SLC66A2: variants seen among roughly 807,000 people sequenced by gnomAD.
The protein encoded by SLC66A2 is solute carrier family 66 member 2, also known as PQ loop repeat containing 1.
Under a neutral mutation model 25.5 loss-of-function variants are expected in SLC66A2, and 23 were observed. The observed-to-expected ratio is 0.90, with a 90% CI of 0.65 to 1.28. The LOEUF is 1.28. Among genes scored for constraint, SLC66A2 ranks in the 50% most tolerant of loss-of-function variants. The pLI is 0.00. For missense variants in SLC66A2, 396 were observed against 373.1 expected (o/e 1.06, Z -0.51); for synonymous variants, 193 against 166.5 (o/e 1.16, Z -1.23).
chr18:79,933,862 G>T, intron 4 of SLC66A2, 107 bp downstream of exon 4: 1 of 961,836 alleles, frequency 1.0e-6, no homozygotes, highest in Non-Finnish European at 1.6e-6. Flanking sequence ...GCTTGGTAAA[G>T]ATGACGCACG....
intron 4 of SLC66A2, among the ~76,000 whole-genome samples, chr18:79,926,568 C>T (rs1985978610): frequency 6.6e-6 from 1 of 152,126 alleles, no homozygotes; most frequent in Non-Finnish European, 1.5e-5. Context: ...TAACGCCAAG[C>T]TCCACCCCAG....
Position 79,937,688 on chromosome 18 carries a change from A to C in SLC66A2, c.338-3666T>G, listed in dbSNP as rs914538730. 1.3e-5 allele frequency among the ~76,000 whole-genome samples: 2 copies of C among 152,214 alleles called. No individual in the cohort carries two copies. Among genetic ancestry groups the C allele is most frequent in the African/African-American group, 2.4e-5 (1 of 41,446 alleles). On this transcript the variant is annotated intron_variant, in intron 3 of 5. Transcript: ENST00000397778. This position sits in a 1 kb window ranked among gnomAD's most constrained non-coding sequence, Gnocchi z 5.4. ...GACGGAACGACGCAACCATCCTGCG[A>C]AACACAAGAACCAAACCTGGATCCG...
rs1390722222 is a variant in SLC66A2, at chr18:79,941,253, G to A, written c.337+2076C>T. ...AAAGCGACGGCCGACCCATGGCAGA[G>A]AGCCAGGCCCTCAGCTCCAGCACCT... On this transcript the variant is annotated intron_variant, in intron 3 of 5. Coordinates refer to ENST00000397778, the MANE Select transcript of SLC66A2 (RefSeq NM_025078.5). This position sits in a 1 kb window ranked among gnomAD's most constrained non-coding sequence, Gnocchi z 4.1. Among the ~76,000 whole-genome samples the A allele has an allele frequency of 1.3e-5, 2 of 152,200 alleles. No homozygotes were observed. Among genetic ancestry groups the A allele is most frequent in the African/African-American group, 2.4e-5 (1 of 41,454 alleles).
Position 79,937,070 on chromosome 18 carries a change from T to C in SLC66A2, c.338-3048A>G, listed in dbSNP as rs1987162998. 6.6e-6 allele frequency among the ~76,000 whole-genome samples: 1 copy of C among 152,036 alleles called. No individual in the cohort carries two copies. Among genetic ancestry groups the C allele is most frequent in the Non-Finnish European group, 1.5e-5 (1 of 67,996 alleles). ...TGAAGTCAAATGGAAAGAATTGGTG[T>C]CCACTCATGAAGTATTTCACCTCAC... On this transcript the variant is annotated intron_variant, in intron 3 of 5. Transcript: ENST00000397778. This position sits in a 1 kb window ranked among gnomAD's most constrained non-coding sequence, Gnocchi z 5.4.
At chr18:79,925,351 C>T (rs1599582782) in intron 4 of SLC66A2, among the ~76,000 whole-genome samples, 1 of 152,216 alleles carries the variant, frequency 6.6e-6, no homozygotes, top group Admixed American at 6.5e-5. Context: ...CCCGTGGTCA[C>T]GCAAGGTGCC....
intron 5 of SLC66A2, among the ~76,000 whole-genome samples, chr18:79,908,779 C>A (rs554607189): frequency 3.3e-4 from 51 of 152,310 alleles, no homozygotes; most frequent in Middle Eastern, 3.4e-3. Context: ...CTCCATTCTA[C>A]AGTTGTGTCG....
At chr18:79,934,552 C>A (rs1275978583) in intron 3 of SLC66A2, among the ~76,000 whole-genome samples, 2 of 152,210 alleles carry the variant, frequency 1.3e-5, no homozygotes, top group East Asian at 3.8e-4. Context: ...TCTGCACAGA[C>A]ACAGACACAG....
At chr18:79,934,546 CACAG>C (rs1197045477) in intron 3 of SLC66A2, among the ~76,000 whole-genome samples, 10 of 152,230 alleles carry the variant, frequency 6.6e-5, no homozygotes, top group Non-Finnish European at 1.3e-4. Context: ...AGCACCTCTG[CACAG>C]ACACAGACAC....
intron 2 of SLC66A2, among the ~76,000 whole-genome samples, chr18:79,949,157 C>T (rs1017817254): frequency 6.6e-6 from 1 of 152,294 alleles, no homozygotes; most frequent in East Asian, 1.9e-4. Flanking sequence ...AGCCAACCCA[C>T]TCGCTCACCT....
At chr18:79,926,682 T>G (rs1480149420) in intron 4 of SLC66A2, among the ~76,000 whole-genome samples, 1 of 151,944 alleles carries the variant, frequency 6.6e-6, no homozygotes. Context: ...TCATGATTCT[T>G]GTATGAATTC....
chr18:79,914,683 AGG>A (rs1417879615), intron 5 of SLC66A2, among the ~76,000 whole-genome samples: 1 of 152,242 alleles, frequency 6.6e-6, no homozygotes, highest in Non-Finnish European at 1.5e-5. Context: ...CCACACAGCA[AGG>A]GGGGCAGAGG....
Position 79,912,685 on chromosome 18 carries a change from ATG to A in SLC66A2, c.608+6497_608+6498del, listed in dbSNP as rs551237666. ...GGGGTTGCTTCCTGGGGTGCGGAAA[ATG>A]TTCTGGAATTAGACCGTGGTGCTGG... On this transcript the variant is annotated intron_variant, in intron 5 of 5. Coordinates refer to ENST00000397778, the MANE Select transcript of SLC66A2 (RefSeq NM_025078.5). 2.7e-3 allele frequency among the ~76,000 whole-genome samples: 417 copies of A among 152,218 alleles called. 4 individuals are homozygous for A. Among genetic ancestry groups the A allele is most frequent in the African/African-American group, 9.5e-3 (393 of 41,510 alleles).
rs1048966832 is a variant in SLC66A2, at chr18:79,927,390, CAA to C, written c.391+6577_391+6578del. Among the ~76,000 whole-genome samples the C allele has an allele frequency of 6.6e-6, 1 of 152,056 alleles. No individual in the cohort carries two copies. The highest frequency in any genetic ancestry group is 1.5e-5 in the Non-Finnish European group (1 of 68,018). The stretch of plus-strand genomic sequence containing the variant: ...CAGGCTACAGTCAGGAGAGCACAGA[CAA>C]GAGGCCCCCGAGGCCACCAGGGCCG... On this transcript the variant is annotated intron_variant, in intron 4 of 5. Transcript: ENST00000397778. This position sits in a 1 kb window ranked among gnomAD's most constrained non-coding sequence, Gnocchi z 6.2.
chr18:79,924,198 T>C (rs1599577676), intron 4 of SLC66A2, among the ~76,000 whole-genome samples: 1 of 151,820 alleles, frequency 6.6e-6, no homozygotes, highest in South Asian at 2.1e-4. Flanking sequence ...GTGGTGCAGG[T>C]GGGGGCAGAT....
rs118073673 is a variant in SLC66A2, at chr18:79,922,412, C to T, written c.392-3012G>A. On this transcript the variant is annotated intron_variant, in intron 4 of 5. Coordinates refer to ENST00000397778, the MANE Select transcript of SLC66A2 (RefSeq NM_025078.5). The stretch of plus-strand genomic sequence containing the variant: ...GGCGCAGCCCCCCTCGGGTTAACCA[C>T]GGTCTCCTGTTCCTCAGATGTTACC... Among the ~76,000 whole-genome samples, 931 of 152,250 alleles carry T rather than the reference C, an allele frequency of 6.1e-3. 8 individuals carry two copies. Among genetic ancestry groups the T allele is most frequent in the Middle Eastern group, 0.014 (4 of 294 alleles).
chr18:79,930,508 G>A (rs770545228), intron 4 of SLC66A2, among the ~76,000 whole-genome samples: 1 of 152,088 alleles, frequency 6.6e-6, no homozygotes, highest in African/African-American at 2.4e-5. Context: ...CATAAAAAAA[G>A]AGTACAGGTA....
chr18:79,942,768 AAGGTTAAGGAG>A (rs1407631419), intron 3 of SLC66A2, among the ~76,000 whole-genome samples: 1 of 152,234 alleles, frequency 6.6e-6, no homozygotes, highest in Non-Finnish European at 1.5e-5. Context: ...TAAGCTGCCA[AAGGTTAAGGAG>A]CCATGTGTGC....
At chr18:79,926,307 G>A (rs1023306883) in intron 4 of SLC66A2, among the ~76,000 whole-genome samples, 6 of 151,998 alleles carry the variant, frequency 3.9e-5, no homozygotes, top group Non-Finnish European at 1.5e-5. Context: ...TCTTGTGCGA[G>A]ACCCAAGAGT....
At chr18:79,928,821 G>C (rs111594937) in intron 4 of SLC66A2, among the ~76,000 whole-genome samples, 1 of 152,032 alleles carries the variant, frequency 6.6e-6, no homozygotes, top group Non-Finnish European at 1.5e-5. Context: ...CACCCATGGC[G>C]CAGGGGCAGA....
Sources: gnomAD v4.1 joint callset for allele counts (sites outside exome capture counted in the v4.1 genomes callset) on GRCh38, gnomAD v4.1.1 for gene constraint, Gnocchi (gnomAD v3.1) non-coding constraint, MANE v1.5 for transcripts, NCBI Gene and HGNC (gene_info 2026-07-23, HGNC 2026-07-21) for gene names.